The following CPT2 variants were observed in gnomAD, a reference collection of about 807,000 sequenced individuals.
CPT2 encodes carnitine palmitoyltransferase 2.
CPT2 carries 37 observed loss-of-function variants against 48.6 expected under a neutral mutation model. The ratio of observed to expected loss-of-function variants is 0.76; its 90% confidence interval spans 0.59 to 1.00. The LOEUF (loss-of-function observed/expected upper bound fraction) is 1.00, where lower values mean the gene tolerates loss of function less well. CPT2 is among the 50% of genes least tolerant of loss of function. The pLI is 0.00. For missense variants in CPT2, 772 were observed against 825.6 expected (o/e 0.94, Z 0.80); for synonymous variants, 319 against 326.9 (o/e 0.98, Z 0.26).
intron 4 of CPT2, among the ~76,000 whole-genome samples, chr1:53,212,062 T>C (rs1301749717): frequency 4.4e-5 from 3 of 67,434 alleles, no homozygotes; most frequent in African/African-American, 6.1e-5. Context: ...CCAGCTGATA[T>C]TTTAATTTTT....
intron 3 of CPT2, among the ~76,000 whole-genome samples, chr1:53,207,235 A>G (rs1645394853): frequency 6.6e-6 from 1 of 152,196 alleles, no homozygotes; most frequent in Non-Finnish European, 1.5e-5. Context: ...TTCTTTATAA[A>G]TTATCCAGTC....
In CPT2 at chr1:53,210,696, A is replaced by T. The variant is rs778946896; in HGVS notation, c.1022A>T (p.Asn341Ile). ...AAGGACCTTGTCCACTTGTCCCACA[A>T]TATGCTGCATGGGGATGGCACAAAC... ...PIKDLVHLSH[N>I]MLHGDGTNRW... is the part of the protein sequence containing the mutation. Residue 341 changes from asparagine to isoleucine, a missense_variant, in exon 4 of 5, where the codon AAT (asparagine) becomes ATT (isoleucine). Asn to Ile is a moderately radical substitution (Grantham distance 149). Transcript: ENST00000371486. The T allele has an allele frequency of 1.2e-6, 2 of 1,614,172 alleles. No individual in the cohort carries two copies. Among genetic ancestry groups the T allele is most frequent in the Non-Finnish European group, 8.5e-7 (1 of 1,180,038 alleles).
Position 53,210,437 on chromosome 1 carries a change from G to C in CPT2, c.763G>C (p.Asp255His), listed in dbSNP as rs771250137. Residue 255 changes from aspartate (D) to histidine (H), a missense_variant, in exon 4 of 5, where the codon GAT (aspartate) becomes CAT (histidine). Transcript: ENST00000371486. Reference protein sequence around the residue: ...VLRKGNFYIFDVLDQDGNIVS... With the variant: ...VLRKGNFYIFHVLDQDGNIVS... ...AAGGAAAGGAAATTTTTATATCTTT[G>C]ATGTCCTGGATCAAGATGGGAACAT... 2.5e-6 allele frequency: 4 copies of C among 1,614,102 alleles called. No homozygotes were observed. The Admixed American group carries it at 6.7e-5, about 27-fold the overall frequency.
chr1:53,200,575 C>T, intron 1 of CPT2, 144 bp from the exon 2 acceptor site: 1 of 729,826 alleles, frequency 1.4e-6, no homozygotes, highest in Non-Finnish European at 2.5e-6. Context: ...TTAGTAAACC[C>T]ATTGATTCTG....
At position 53,210,396 on chromosome 1, in the gene CPT2, GAC is replaced by G. The variant is rs1238901632; in HGVS notation, c.725_726del (p.His242ProfsTer13). The G allele has an allele frequency of 6.2e-7, 1 of 1,614,140 alleles. No individual in the cohort carries two copies. The highest frequency in any genetic ancestry group is 1.7e-5 in the Admixed American group (1 of 60,024). On this transcript the variant is annotated frameshift_variant, in exon 4 of 5. Transcript: ENST00000371486. LOFTEE classifies it high-confidence loss of function. ...GAACTCTTCACTGATGACAAGGCCAGACACCTCCTGGTCCTAAGGAAAGGAAA... is the reference window on the plus strand; with the variant it reads ...GAACTCTTCACTGATGACAAGGCCAGACCTCCTGGTCCTAAGGAAAGGAAA...
chr1:53,210,329 C>T lies in CPT2; in HGVS notation c.655C>T (p.Arg219Trp), dbSNP rs367691827. 19 of 1,614,014 alleles carry T rather than the reference C, an allele frequency of 1.2e-5. No homozygotes were observed. Among genetic ancestry groups the T allele is most frequent in the Non-Finnish European group, 1.4e-5 (17 of 1,180,040 alleles). The part of the protein sequence containing the change: ...AYPLDMSQYF[R>W]LFNSTRLPKP... ...TCCCCTGGATATGTCCCAGTATTTTCGGCTTTTCAACTCAACTCGTTTACC... is the reference window on the plus strand; with the variant it reads ...TCCCCTGGATATGTCCCAGTATTTTTGGCTTTTCAACTCAACTCGTTTACC... Residue 219 changes from arginine (R) to tryptophan (W), a missense_variant, in exon 4 of 5, where the codon CGG (arginine) becomes TGG (tryptophan). Physicochemically the swap from Arg to Trp is moderately radical, Grantham distance 101. Coordinates refer to ENST00000371486, the MANE Select transcript of CPT2 (RefSeq NM_000098.3).
chr1:53,205,670 C>T (rs1467092117), intron 3 of CPT2, among the ~76,000 whole-genome samples: 3 of 152,202 alleles, frequency 2.0e-5, no homozygotes, highest in African/African-American at 4.8e-5. Flanking sequence ...CAGCATAGGC[C>T]CAGAGGCCTA....
At position 53,202,474 on chromosome 1, in the gene CPT2, A is replaced by G. The variant is rs183886949; in HGVS notation, c.340+45A>G. On this transcript the variant is annotated intron_variant, in intron 3 of 4. Transcript: ENST00000371486. Reference sequence around the variant, plus strand: ...GGTATGATTTCTCCCAGAGCCCTCCATAATGAAAAGTAAGGCATATTCTCT... The same window carrying G: ...GGTATGATTTCTCCCAGAGCCCTCCGTAATGAAAAGTAAGGCATATTCTCT... 6.8e-6 allele frequency: 10 copies of G among 1,480,816 alleles called. No individual in the cohort carries two copies. The Admixed American group carries it at 1.5e-4, about 22-fold the overall frequency. The allele number at this position is 1,480,816 out of a possible 1,614,324, so 91.7% of individuals were successfully genotyped here. A position where few individuals can be genotyped will look rare whatever the true frequency, so the allele number is the denominator to read the frequency against.
rs762584123 is a variant in CPT2, at chr1:53,213,418, G to A, written c.1800G>A (p.Gly600=). The A allele has an allele frequency of 6.2e-7, 1 of 1,614,230 alleles. No individual in the cohort carries two copies. The highest frequency in any genetic ancestry group is 8.5e-7 in the Non-Finnish European group (1 of 1,180,048). Residue 600 remains glycine, a synonymous_variant, in exon 5 of 5, where the codon GGG becomes GGA. Coordinates refer to ENST00000371486, the MANE Select transcript of CPT2 (RefSeq NM_000098.3). ...TGAGCAGCCCAGCAGTGAACCTTGG[G>A]GGCTTTGCCCCTGTGGTCTCTGATG... ...STLSSPAVNL[G]GFAPVVSDGF...
chr1:53,212,819 T>G, intron 4 of CPT2: 1 of 432,914 alleles, frequency 2.3e-6, no homozygotes, highest in Non-Finnish European at 4.1e-6. Flanking sequence ...CACAGCAAGT[T>G]AGTAGTAAGA....
intron 1 of CPT2, 141 bp from the exon 2 acceptor site, chr1:53,200,578 T>C: frequency 1.4e-6 from 1 of 740,330 alleles, no homozygotes. Flanking sequence ...GTAAACCCAT[T>C]GATTCTGATT....
chr1:53,211,438 A>G (rs1285724530), intron 4 of CPT2, 119 bp downstream of exon 4: 2 of 1,075,308 alleles, frequency 1.9e-6, no homozygotes, highest in Admixed American at 4.3e-5. Flanking sequence ...ATCCATCGCC[A>G]ACTCCCCAAA....
At position 53,213,648 on chromosome 1, in the gene CPT2, GC is replaced by G; in HGVS notation, c.*55del. Reference sequence around the variant, plus strand: ...ACTTCCTCATCATGAAAACTGGGAGGCCGGGCATGGTGGCTCATGCCTGTAA... The same window carrying G: ...ACTTCCTCATCATGAAAACTGGGAGGCGGGCATGGTGGCTCATGCCTGTAA... On this transcript the variant is annotated 3_prime_UTR_variant, in exon 5 of 5. Transcript: ENST00000371486. 1 of 1,511,864 alleles carries G rather than the reference GC, an allele frequency of 6.6e-7. No homozygotes were observed. The highest frequency in any genetic ancestry group is 9.1e-7 in the Non-Finnish European group (1 of 1,103,008). The allele number at this position is 1,511,864 out of a possible 1,614,324, so 93.7% of individuals were successfully genotyped here. A position where few individuals can be genotyped will look rare whatever the true frequency, so the allele number is the denominator to read the frequency against.
intron 1 of CPT2, among the ~76,000 whole-genome samples, chr1:53,197,803 C>T (rs892477849): frequency 9.2e-5 from 14 of 152,248 alleles, no homozygotes; most frequent in Admixed American, 9.2e-4. Flanking sequence ...TCCTCACCCA[C>T]AGTACCCCTT....
rs1645359381 is a variant in CPT2, at chr1:53,202,386, G to A, written c.297G>A (p.Leu99=). 6.2e-7 allele frequency: 1 copy of A among 1,614,128 alleles called. No individual in the cohort carries two copies. Among genetic ancestry groups the A allele is most frequent in the Non-Finnish European group, 8.5e-7 (1 of 1,179,974 alleles). The change falls in exon 3 of 5, where the codon CTG becomes CTA. Residue 99 remains leucine (L), a synonymous_variant. Coordinates refer to ENST00000371486, the MANE Select transcript of CPT2 (RefSeq NM_000098.3). ...NGIGKELHEQ[L]VALDKQNKHT... is the part of the protein sequence containing the mutation. ...TTGGAAAAGAACTGCATGAGCAGCT[G>A]GTTGCTCTGGACAAACAGAATAAAC... is the stretch of plus-strand genomic sequence containing the variant.
intron 2 of CPT2, chr1:53,202,004 C>T: frequency 2.9e-6 from 1 of 346,114 alleles, no homozygotes; most frequent in Non-Finnish European, 5.5e-6. Context: ...GTTTGAAAAG[C>T]AACAGAGCTA....
chr1:53,204,554 G>C (rs115128836), intron 3 of CPT2, among the ~76,000 whole-genome samples: 3 of 152,090 alleles, frequency 2.0e-5, no homozygotes, highest in Non-Finnish European at 2.9e-5. Context: ...TCTTCGATAT[G>C]AGTGAGATAT....
intron 1 of CPT2, among the ~76,000 whole-genome samples, chr1:53,198,798 TC>T (rs1425861802): frequency 6.6e-6 from 1 of 152,250 alleles, no homozygotes; most frequent in Non-Finnish European, 1.5e-5. Flanking sequence ...GTACCACTAG[TC>T]ACCTACGCAT....
rs568833680 is a variant in CPT2 at position 53,211,693 on chromosome 1, G to C, written c.1645+374G>C. 16 of 286,614 alleles carry C rather than the reference G, an allele frequency of 5.6e-5. No homozygotes were observed. The East Asian group carries it at 9.0e-4, about 16-fold the overall frequency. The allele number at this position is 286,614 out of a possible 1,614,324, so 17.8% of individuals were successfully genotyped here. On this transcript the variant is annotated intron_variant, in intron 4 of 4. Transcript: ENST00000371486. ...CGGCTCACTGCAACCTCCACCCCCAGGTTCAAGTGATTCTCCTGCCTCTGC... is the reference window on the plus strand; with the variant it reads ...CGGCTCACTGCAACCTCCACCCCCACGTTCAAGTGATTCTCCTGCCTCTGC...
Sources: gnomAD v4.1 joint callset for allele counts (sites outside exome capture counted in the v4.1 genomes callset) on GRCh38, gnomAD v4.1.1 for gene constraint, MANE v1.5 for transcripts, NCBI Gene and HGNC (gene_info 2026-07-23, HGNC 2026-07-21) for gene names.